The following SUPT3H variants were observed in gnomAD, a reference collection of about 807,000 sequenced individuals.
SUPT3H encodes the protein transcription initiation protein SPT3 homolog.
SUPT3H carries 44 observed loss-of-function variants against 44.3 expected under a neutral mutation model. That is an observed-to-expected ratio of 0.99 (90% CI 0.78 to 1.28). SUPT3H has a LOEUF of 1.28. SUPT3H is among the 50% of genes most tolerant of loss of function. The pLI is 0.00. For synonymous variants in SUPT3H, 124 were observed against 125.6 expected (o/e 0.99, Z 0.09); for missense variants, 380 against 387.1 (o/e 0.98, Z 0.15).
intron 2 of SUPT3H, among the ~76,000 whole-genome samples, chr6:45,116,888 C>A (rs1370068081): frequency 6.6e-6 from 1 of 152,058 alleles, no homozygotes; most frequent in African/African-American, 2.4e-5. Context: ...GTCCTATTTC[C>A]CATCCTCAGC....
intron 2 of SUPT3H, among the ~76,000 whole-genome samples, chr6:45,295,524 CA>C (rs752887669): frequency 0.4 from 16,031 of 39,674 alleles, 791 homozygotes; most frequent in Non-Finnish European, 0.42. Context: ...TTTTGCACAG[CA>C]AAAAAAAAAA....
chr6:45,256,854 A>G lies in SUPT3H; in HGVS notation c.101+108347T>C, dbSNP rs537206556. ...ACTCACGCACTGATGAACATTTGGG[A>G]TGTTTCAACCTTTTGGCTATTATGA... is the stretch of plus-strand genomic sequence containing the variant. On this transcript the variant is annotated intron_variant, in intron 2 of 10. Transcript: ENST00000371459. Among the ~76,000 whole-genome samples, 3 of 152,322 alleles carry G rather than the reference A, an allele frequency of 2.0e-5. No homozygotes were observed. The East Asian group carries it at 5.8e-4, about 29-fold the overall frequency.
chr6:44,839,969 G>A (rs1347920608), intron 10 of SUPT3H, among the ~76,000 whole-genome samples: 17 of 152,138 alleles, frequency 1.1e-4, no homozygotes, highest in Admixed American at 7.2e-4. Flanking sequence ...CAAAGTGCTG[G>A]GATTACAGGC....
chr6:44,937,152 G>A (rs1771576427), intron 9 of SUPT3H, among the ~76,000 whole-genome samples: 1 of 152,094 alleles, frequency 6.6e-6, no homozygotes, highest in Non-Finnish European at 1.5e-5. Flanking sequence ...TAGATACCCA[G>A]TAATGAGATT....
chr6:45,216,858 G>C (rs1224205155), intron 2 of SUPT3H, among the ~76,000 whole-genome samples: 1 of 152,036 alleles, frequency 6.6e-6, no homozygotes, highest in Non-Finnish European at 1.5e-5. Context: ...TGAGCCTGGA[G>C]GATATTATGT....
At chr6:45,348,390 G>C (rs1219183661) in intron 2 of SUPT3H, among the ~76,000 whole-genome samples, 1 of 151,762 alleles carries the variant, frequency 6.6e-6, no homozygotes, top group Non-Finnish European at 1.5e-5. Flanking sequence ...GCAATAGCCA[G>C]GCACGGTGGC....
chr6:45,168,711 A>G (rs1461898373), intron 2 of SUPT3H, among the ~76,000 whole-genome samples: 1 of 152,198 alleles, frequency 6.6e-6, no homozygotes, highest in African/African-American at 2.4e-5. Flanking sequence ...AGAAAGTTGG[A>G]TTCTGGTTGT....
intron 2 of SUPT3H, among the ~76,000 whole-genome samples, chr6:45,247,824 T>C (rs1415874838): frequency 2.6e-5 from 4 of 152,112 alleles, no homozygotes; most frequent in African/African-American, 2.4e-5. Context: ...TTCTGACTTA[T>C]TACAAAGCTA....
intron 2 of SUPT3H, among the ~76,000 whole-genome samples, chr6:45,110,922 ATGTG>A (rs578075721): frequency 0.012 from 1,895 of 152,258 alleles, 23 homozygotes; most frequent in Middle Eastern, 0.024. Context: ...GTGTGTACAT[ATGTG>A]TGTGTGTATT....
chr6:45,359,776 G>T (rs1056345727), intron 2 of SUPT3H, among the ~76,000 whole-genome samples: 2 of 152,194 alleles, frequency 1.3e-5, no homozygotes, highest in African/African-American at 4.8e-5. Context: ...GGGCGCAGAG[G>T]CTTATGCTTC....
At chr6:45,207,869 A>T (rs1319996550) in intron 2 of SUPT3H, among the ~76,000 whole-genome samples, 3 of 152,180 alleles carry the variant, frequency 2.0e-5, no homozygotes, top group African/African-American at 7.2e-5. Context: ...ATGCAACAAA[A>T]TTGGAATTTG....
chr6:45,076,150 G>T (rs1198915897), intron 3 of SUPT3H, among the ~76,000 whole-genome samples: 2 of 151,954 alleles, frequency 1.3e-5, no homozygotes, highest in African/African-American at 4.8e-5. Context: ...TTTCTCCAAG[G>T]TGTATAACCA....
intron 2 of SUPT3H, among the ~76,000 whole-genome samples, chr6:45,201,720 C>T (rs1393939047): frequency 1.3e-5 from 2 of 151,832 alleles, no homozygotes; most frequent in Non-Finnish European, 3.0e-5. Context: ...TCTAATCCAA[C>T]AGTCATGGAC....
intron 10 of SUPT3H, among the ~76,000 whole-genome samples, chr6:44,840,411 C>T (rs1019743543): frequency 9.9e-5 from 15 of 152,020 alleles, no homozygotes; most frequent in Admixed American, 2.6e-4. Context: ...TCAGCAGACC[C>T]GTGGGAGGTG....
rs1249605270 is a variant in SUPT3H at position 44,902,426 on chromosome 6, A to G, written c.912+30227T>C. 3.3e-5 allele frequency among the ~76,000 whole-genome samples: 5 copies of G among 152,206 alleles called. No individual in the cohort carries two copies. In the East Asian group the frequency reaches 9.6e-4, roughly 29 times the overall value. Reference sequence around the variant, plus strand: ...ACTTTAAAATTACAAAGATCAAAAGAGACAAAGAAGTCCATAACATAATGG... The same window carrying G: ...ACTTTAAAATTACAAAGATCAAAAGGGACAAAGAAGTCCATAACATAATGG... On this transcript the variant is annotated intron_variant, in intron 10 of 10. Coordinates refer to ENST00000371459, the MANE Select transcript of SUPT3H (RefSeq NM_003599.4).
intron 3 of SUPT3H, among the ~76,000 whole-genome samples, chr6:45,080,791 A>G (rs1484375779): frequency 6.6e-6 from 1 of 152,070 alleles, no homozygotes; most frequent in Non-Finnish European, 1.5e-5. Flanking sequence ...GAAATGAAGA[A>G]GTGGAGGTAA....
At chr6:45,136,334 A>C (rs911225466) in intron 2 of SUPT3H, among the ~76,000 whole-genome samples, 4 of 152,164 alleles carry the variant, frequency 2.6e-5, no homozygotes, top group African/African-American at 9.7e-5. Context: ...ACAAAAATCA[A>C]CAATAACAAT....
At chr6:45,081,516 A>C (rs1329712) in intron 3 of SUPT3H, among the ~76,000 whole-genome samples, 146,860 of 152,172 alleles carry the variant, frequency 0.97, 70,897 homozygotes, top group East Asian at 1. Flanking sequence ...TCCATTAGAG[A>C]AGAGACTTTC....
intron 3 of SUPT3H, among the ~76,000 whole-genome samples, chr6:45,082,901 G>C (rs1416471180): frequency 6.6e-6 from 1 of 152,024 alleles, no homozygotes; most frequent in Non-Finnish European, 1.5e-5. Flanking sequence ...AAGGCTCCTA[G>C]AAATGATAAA....
Sources: gnomAD v4.1 joint callset for allele counts (sites outside exome capture counted in the v4.1 genomes callset) on GRCh38, gnomAD v4.1.1 for gene constraint, MANE v1.5 for transcripts, NCBI Gene and HGNC (gene_info 2026-07-23, HGNC 2026-07-21) for gene names.